MKLN1: variants seen among roughly 807,000 people sequenced by gnomAD.
MKLN1 encodes the protein muskelin 1, also known as muskelin.
MKLN1 carries 18 observed loss-of-function variants against 99.0 expected under a neutral mutation model. The observed-to-expected ratio is 0.18, with a 90% CI of 0.13 to 0.27. The LOEUF is 0.27. Ranked by LOEUF, MKLN1 falls within the 10% of genes least tolerant of loss-of-function variation. MKLN1 has a pLI of 1.00. For missense variants in MKLN1, 621 were observed against 875.9 expected (o/e 0.71, Z 3.67); for synonymous variants, 288 against 293.2 (o/e 0.98, Z 0.18).
intron 1 of MKLN1, among the ~76,000 whole-genome samples, chr7:131,113,948 G>A (rs1303777371): frequency 3.9e-5 from 6 of 152,168 alleles, no homozygotes; most frequent in African/African-American, 1.4e-4. Context: ...CAGCATGGAG[G>A]GAACTGCCCC....
Position 131,487,472 on chromosome 7 carries a change from A to C in MKLN1, c.2087-135A>C, listed in dbSNP as rs1467162380. ...ACAGCCAGGTAGTAGAACTGGGGTC[A>C]GATCAGTAGTGTCTGCCTGGTTTTG... On this transcript the variant is annotated intron_variant, in intron 17 of 17. Transcript: ENST00000352689. The surrounding 1 kb of genome is among the most constrained non-coding windows in gnomAD (Gnocchi z 4.7). 3.4e-6 allele frequency: 3 copies of C among 871,396 alleles called. No homozygotes were observed. The highest frequency in any genetic ancestry group is 5.5e-5 in the East Asian group (2 of 36,398). The allele number at this position is 871,396 out of a possible 1,614,324, so 54.0% of individuals were successfully genotyped here. A position where few individuals can be genotyped will look rare whatever the true frequency, so the allele number is the denominator to read the frequency against.
At chr7:131,116,770 T>C (rs753560786) in intron 1 of MKLN1, among the ~76,000 whole-genome samples, 10 of 152,174 alleles carry the variant, frequency 6.6e-5, no homozygotes, top group Non-Finnish European at 1.3e-4. Context: ...TCTTAAAATA[T>C]GTAATAATAA....
intron 1 of MKLN1, among the ~76,000 whole-genome samples, chr7:131,125,051 C>T (rs1425775777): frequency 6.6e-6 from 1 of 152,206 alleles, no homozygotes; most frequent in Non-Finnish European, 1.5e-5. Context: ...GGCTCATACC[C>T]TCTCTCCACT....
chr7:131,192,465 T>A (rs1206899290), intron 2 of MKLN1, among the ~76,000 whole-genome samples: 4 of 134,820 alleles, frequency 3.0e-5, no homozygotes, highest in Non-Finnish European at 4.6e-5. Context: ...ATATATAAAA[T>A]ATATAAATAT....
At chr7:131,267,880 C>G (rs1278201381) in intron 3 of MKLN1, among the ~76,000 whole-genome samples, 5 of 152,166 alleles carry the variant, frequency 3.3e-5, no homozygotes. Context: ...CATTTGGGTT[C>G]TCCATAATTG....
intron 1 of MKLN1, among the ~76,000 whole-genome samples, chr7:131,125,288 G>T (rs1467691716): frequency 6.6e-6 from 1 of 152,192 alleles, no homozygotes; most frequent in Non-Finnish European, 1.5e-5. Flanking sequence ...TACTGAAGAA[G>T]TACTATTCTG....
intron 8 of MKLN1, among the ~76,000 whole-genome samples, chr7:131,421,617 TA>T (rs1384300775): frequency 6.6e-6 from 1 of 152,210 alleles, no homozygotes; most frequent in African/African-American, 2.4e-5. Context: ...GTGCATATAT[TA>T]TTTATATAAC....
intron 3 of MKLN1, among the ~76,000 whole-genome samples, chr7:131,216,857 T>TCCTGTG (rs1554538143): frequency 6.6e-6 from 1 of 152,194 alleles, no homozygotes; most frequent in Non-Finnish European, 1.5e-5. Context: ...GCCTTTTTCA[T>TCCTGTG]CCTGTGCCTC....
intron 1 of MKLN1, among the ~76,000 whole-genome samples, chr7:131,355,847 A>G (rs1203839745): frequency 1.3e-5 from 2 of 151,036 alleles, no homozygotes. Context: ...TTCTAACTAA[A>G]TTCTTCTATT....
Position 131,307,122 on chromosome 7 carries a change from G to T in MKLN1, c.-178-68302G>T, listed in dbSNP as rs1023757330. Among the ~76,000 whole-genome samples, 9 of 152,246 alleles carry T rather than the reference G, an allele frequency of 5.9e-5. No homozygotes were observed. The East Asian group carries it at 9.7e-4, about 16-fold the overall frequency. On this transcript the variant is annotated intron_variant, in intron 3 of 7. Transcript: ENST00000416992. Reference sequence around the variant, plus strand: ...TAAAAGGGGCCAAGGTACAGCTTGGGCTGTTGCTCCAGAGTGTGCTGCCCC... The same window carrying T: ...TAAAAGGGGCCAAGGTACAGCTTGGTCTGTTGCTCCAGAGTGTGCTGCCCC...
intron 3 of MKLN1, among the ~76,000 whole-genome samples, chr7:131,320,045 C>G (rs564236034): frequency 1.3e-5 from 2 of 152,222 alleles, no homozygotes; most frequent in South Asian, 4.1e-4. Context: ...ATTAAGCTAC[C>G]ATTGAGTTTC....
intron 3 of MKLN1, among the ~76,000 whole-genome samples, chr7:131,294,158 G>T (rs1028146228): frequency 6.6e-6 from 1 of 152,184 alleles, no homozygotes; most frequent in Non-Finnish European, 1.5e-5. Context: ...CATTTGGTAC[G>T]AATGAAGAAA....
intron 3 of MKLN1, among the ~76,000 whole-genome samples, chr7:131,231,896 AAAAAT>A (rs1172017260): frequency 6.6e-6 from 1 of 152,200 alleles, no homozygotes; most frequent in Non-Finnish European, 1.5e-5. Flanking sequence ...GTCGCAAAAT[AAAAAT>A]AAAACGTGTG....
intron 2 of MKLN1, among the ~76,000 whole-genome samples, chr7:131,386,558 C>T (rs1026818890): frequency 1.3e-5 from 2 of 151,996 alleles, no homozygotes; most frequent in Admixed American, 6.6e-5. Context: ...GAACAGTCTG[C>T]GTGATGTTCT....
Position 131,271,579 on chromosome 7 carries a change from T to G in MKLN1, c.-179+68605T>G, listed in dbSNP as rs549944688. On this transcript the variant is annotated intron_variant, in intron 3 of 7. Coordinates refer to the MKLN1 transcript ENST00000416992. ...TTGCAGTGAGCCGAGATCATGCCAC[T>G]GCATTCCAGCCTGGGCGACAGAGTG... is the stretch of plus-strand genomic sequence containing the variant. 1.1e-3 allele frequency among the ~76,000 whole-genome samples: 168 copies of G among 146,444 alleles called. 1 individual carries two copies. The highest frequency in any genetic ancestry group is 1.1e-3 in the Non-Finnish European group (74 of 67,214).
chr7:131,257,319 A>T (rs553199583), intron 3 of MKLN1, among the ~76,000 whole-genome samples: 1 of 152,378 alleles, frequency 6.6e-6, no homozygotes, highest in South Asian at 2.1e-4. Flanking sequence ...GACAAGTGTG[A>T]TAAATTAACA....
chr7:131,190,500 T>A (rs567684841), intron 2 of MKLN1, among the ~76,000 whole-genome samples: 1 of 152,238 alleles, frequency 6.6e-6, no homozygotes, highest in East Asian at 1.9e-4. Flanking sequence ...AGCTGGGAAA[T>A]TTCCATGATG....
chr7:131,435,525 G>A (rs1795652472), intron 9 of MKLN1, among the ~76,000 whole-genome samples: 1 of 151,950 alleles, frequency 6.6e-6, no homozygotes, highest in Non-Finnish European at 1.5e-5. Flanking sequence ...TTAAGTGCTT[G>A]ATATAATTTA....
intron 6 of MKLN1, among the ~76,000 whole-genome samples, chr7:131,407,903 C>T (rs888076878): frequency 6.6e-6 from 1 of 152,066 alleles, no homozygotes; most frequent in African/African-American, 2.4e-5. Context: ...TCATTTTGTT[C>T]ATAAAAGATT....
Sources: allele counts gnomAD v4.1 joint callset (sites outside exome capture counted in the v4.1 genomes callset), GRCh38; gene constraint gnomAD v4.1.1; non-coding constraint Gnocchi (gnomAD v3.1); transcripts MANE v1.5; gene names NCBI Gene and HGNC (gene_info 2026-07-23, HGNC 2026-07-21).